MYO1E: variants seen among roughly 807,000 people sequenced by gnomAD.
MYO1E encodes unconventional myosin-Ie.
A neutral mutation model predicts 151.1 loss-of-function variants in MYO1E; 68 were observed. The ratio of observed to expected loss-of-function variants is 0.45; its 90% CI spans 0.37 to 0.55. MYO1E has a LOEUF of 0.55. Among genes scored for constraint, MYO1E ranks in the 20% least tolerant of loss-of-function variants. MYO1E has a pLI of 0.00. For synonymous variants in MYO1E, 601 were observed against 501.7 expected (o/e 1.20, Z -2.64); for missense variants, 1,363 against 1,389.3 (o/e 0.98, Z 0.30).
rs986328003 is a variant in MYO1E at position 59,223,117 on chromosome 15, G to A, written c.852C>T (p.His284=). 1.2e-6 allele frequency: 2 copies of A among 1,613,768 alleles called. No homozygotes were observed. Among genetic ancestry groups the A allele is most frequent in the South Asian group, 1.1e-5 (1 of 91,072 alleles). ...LVLQIVAGIL[H]LGNISFKEVG... is the part of the protein sequence containing the mutation. ...CTTCTTTGAAGCTGATGTTTCCCAG[G>A]TGGAGAATACCCGCCACTATCTGCA... is the stretch of plus-strand genomic sequence containing the variant. The change falls in exon 9 of 28, where the codon CAC becomes CAT. Residue 284 remains histidine (H), a synonymous_variant. Coordinates refer to ENST00000288235, the MANE Select transcript of MYO1E (RefSeq NM_004998.4).
rs1191704396 is a variant in MYO1E at position 59,153,621 on chromosome 15, A to T, written c.3049T>A (p.Phe1017Ile). ...RVSQTPESLD[F>I]LKVPDQGAAG... ...GCTCCCTGGTCCGGGACCTTGAGGA[A>T]ATCCAGGCTCTCTGGCGTCTGTGAC... is the stretch of plus-strand genomic sequence containing the variant. Residue 1017 changes from phenylalanine (F) to isoleucine (I), a missense_variant, in exon 26 of 28, where the codon TTC becomes ATC. By Grantham distance (21) the Phe-to-Ile change is conservative (BLOSUM62 0). Transcript: ENST00000288235. The T allele has an allele frequency of 6.2e-7, 1 of 1,614,072 alleles. No individual in the cohort carries two copies. Among genetic ancestry groups the T allele is most frequent in the Non-Finnish European group, 8.5e-7 (1 of 1,180,032 alleles).
intron 18 of MYO1E, among the ~76,000 whole-genome samples, chr15:59,181,828 A>G (rs1270764648): frequency 6.6e-6 from 1 of 152,230 alleles, no homozygotes; most frequent in Non-Finnish European, 1.5e-5. Context: ...CTTTCCCTTC[A>G]GGCTTTTACT....
intron 4 of MYO1E, among the ~76,000 whole-genome samples, chr15:59,244,104 A>G (rs186851829): frequency 3.4e-4 from 52 of 152,386 alleles, no homozygotes; most frequent in Non-Finnish European, 2.9e-5. Flanking sequence ...AGACAAATTC[A>G]TTCCTTAACA....
intron 4 of MYO1E, among the ~76,000 whole-genome samples, chr15:59,250,422 A>G (rs78119477): frequency 0.017 from 2,566 of 152,252 alleles, 77 homozygotes; most frequent in African/African-American, 0.058. Context: ...GTCACACCTC[A>G]TACCGGTAGG....
At position 59,287,660 on chromosome 15, in the gene MYO1E, G is replaced by T. The variant is rs79954385; in HGVS notation, c.4-15211C>A. Among the ~76,000 whole-genome samples the T allele has an allele frequency of 6.9e-3, 1,050 of 152,338 alleles. 10 individuals carry two copies. The highest frequency in any genetic ancestry group is 0.024 in the African/African-American group (998 of 41,566). On this transcript the variant is annotated intron_variant, in intron 1 of 27. Coordinates refer to ENST00000288235, the MANE Select transcript of MYO1E (RefSeq NM_004998.4). ...ATGGATTCCTGGTCCAGCCAGTGAG[G>T]AGTCTGCATGTTTTTCCCATGTCTG...
chr15:59,176,596 G>A (rs1396896285), intron 19 of MYO1E, among the ~76,000 whole-genome samples: 10 of 151,840 alleles, frequency 6.6e-5, no homozygotes, highest in Non-Finnish European at 1.0e-4. Flanking sequence ...TGAGTAGCTA[G>A]GACAGCAGGC....
chr15:59,185,919 G>A (rs2079694749), intron 18 of MYO1E, among the ~76,000 whole-genome samples: 1 of 152,166 alleles, frequency 6.6e-6, no homozygotes, highest in Admixed American at 6.5e-5. Context: ...TCGCAGCAAA[G>A]AATCTTCCAG....
chr15:59,329,822 G>A (rs1177917158), intron 1 of MYO1E, among the ~76,000 whole-genome samples: 3 of 152,090 alleles, frequency 2.0e-5, no homozygotes, highest in African/African-American at 7.2e-5. Context: ...AGGGCGGACT[G>A]GTATTTCAAA....
At chr15:59,198,156 G>A (rs1327329734) in intron 16 of MYO1E, among the ~76,000 whole-genome samples, 10 of 152,206 alleles carry the variant, frequency 6.6e-5, no homozygotes, top group African/African-American at 2.4e-4. Flanking sequence ...GTGAGCCACT[G>A]TGCCCAACCT....
intron 1 of MYO1E, among the ~76,000 whole-genome samples, chr15:59,315,177 G>A (rs973151208): frequency 3.3e-5 from 5 of 152,042 alleles, no homozygotes; most frequent in Admixed American, 1.3e-4. Flanking sequence ...GATGTTGTGA[G>A]GCAACAGACC....
intron 26 of MYO1E, among the ~76,000 whole-genome samples, chr15:59,150,947 G>C (rs528520336): frequency 3.5e-4 from 53 of 150,978 alleles, no homozygotes; most frequent in Admixed American, 2.2e-3. Context: ...CCACGGTCAT[G>C]AGAGCTGGTG....
Position 59,158,391 on chromosome 15 carries a change from A to G in MYO1E, c.2786-12T>C. On this transcript the variant is annotated splice_polypyrimidine_tract_variant and intron_variant, in intron 24 of 27. Coordinates refer to ENST00000288235, the MANE Select transcript of MYO1E (RefSeq NM_004998.4). ...CCTTCTGGTAGGACCTGAAATAAAC[A>G]AGACAAAGTTAAAACCAGTGCTACT... 1.3e-6 allele frequency: 2 copies of G among 1,546,512 alleles called. No individual in the cohort carries two copies. The highest frequency in any genetic ancestry group is 1.8e-6 in the Non-Finnish European group (2 of 1,141,324).
rs541507450 is a variant in MYO1E at position 59,353,507 on chromosome 15, A to G, written c.3+18991T>C. Among the ~76,000 whole-genome samples the G allele has an allele frequency of 8.5e-5, 13 of 152,236 alleles. No homozygotes were observed. In the East Asian group the frequency reaches 2.5e-3, roughly 29 times the overall value. On this transcript the variant is annotated intron_variant, in intron 1 of 27. Coordinates refer to ENST00000288235, the MANE Select transcript of MYO1E (RefSeq NM_004998.4). Reference sequence around the variant, plus strand: ...TGCGGTGGCTCACACCTGTAATCTCAGCACTTTGGGAGGCTGAGGCGGGTG... The same window carrying G: ...TGCGGTGGCTCACACCTGTAATCTCGGCACTTTGGGAGGCTGAGGCGGGTG...
chr15:59,226,371 CA>C (rs1248095429), intron 7 of MYO1E, among the ~76,000 whole-genome samples: 1 of 152,032 alleles, frequency 6.6e-6, no homozygotes, highest in African/African-American at 2.4e-5. Flanking sequence ...CAAAACAAAA[CA>C]AAAAACAGTG....
chr15:59,236,084 T>C (rs1235313574), intron 5 of MYO1E, among the ~76,000 whole-genome samples: 4 of 151,962 alleles, frequency 2.6e-5, no homozygotes, highest in Non-Finnish European at 4.4e-5. Context: ...ATGCTATTCC[T>C]TAATCCCAGC....
intron 26 of MYO1E, among the ~76,000 whole-genome samples, chr15:59,149,052 G>GTTTTTTTTTTTTTTTTT (rs570700878): frequency 3.9e-5 from 5 of 128,232 alleles, no homozygotes; most frequent in East Asian, 2.4e-4. Context: ...TTTTTTTTTT[G>GTTTTTTTTTTTTTTTTT]TTTTTTTTTT....
intron 1 of MYO1E, among the ~76,000 whole-genome samples, chr15:59,358,964 G>T (rs1348950065): frequency 6.6e-6 from 1 of 152,060 alleles, no homozygotes; most frequent in Non-Finnish European, 1.5e-5. Flanking sequence ...GACCTTAAAG[G>T]GTCACTTGGG....
intron 22 of MYO1E, among the ~76,000 whole-genome samples, chr15:59,168,972 CT>C (rs1243954353): frequency 2.6e-5 from 4 of 152,164 alleles, no homozygotes; most frequent in Non-Finnish European, 4.4e-5. Context: ...GATAAAGTCT[CT>C]TTATATTAAA....
At chr15:59,158,766 T>C (rs923216861) in intron 24 of MYO1E, among the ~76,000 whole-genome samples, 9 of 152,252 alleles carry the variant, frequency 5.9e-5, no homozygotes, top group African/African-American at 2.2e-4. Context: ...TCAACGGGGT[T>C]GGCATGAAGC....
Sources: gnomAD v4.1 joint callset for allele counts (sites outside exome capture counted in the v4.1 genomes callset) on GRCh38, gnomAD v4.1.1 for gene constraint, MANE v1.5 for transcripts, NCBI Gene and HGNC (gene_info 2026-07-23, HGNC 2026-07-21) for gene names.